The following NWD2 variants were observed in gnomAD, a reference collection of about 807,000 sequenced individuals.
NWD2 encodes NACHT and WD repeat domain containing 2, also known as NACHT and WD repeat domain-containing protein 2.
NWD2 carries 37 observed loss-of-function variants against 132.7 expected under a neutral mutation model. The observed-to-expected ratio is 0.28, with a 90% CI of 0.21 to 0.37. NWD2 has a LOEUF of 0.37. Among genes scored for constraint, NWD2 ranks in the 10% least tolerant of loss-of-function variants. The probability of loss-of-function intolerance (pLI) is 1.00; values close to 1 mark genes in which losing one functional copy is unlikely to be tolerated. For missense variants in NWD2, 1,592 were observed against 2,122.4 expected (o/e 0.75, Z 4.91); for synonymous variants, 705 against 803.0 (o/e 0.88, Z 2.06).
At position 37,443,782 on chromosome 4, in the gene NWD2, T is replaced by C; in HGVS notation, c.1794T>C (p.Ile598=). The C allele has an allele frequency of 6.4e-7, 1 of 1,551,790 alleles. No homozygotes were observed. Among genetic ancestry groups the C allele is most frequent in the Non-Finnish European group, 8.7e-7 (1 of 1,147,042 alleles). Reference sequence around the variant, plus strand: ...GGAAGGTCACATCAGGCCAGCAGATTTATGTGAACAATGCATTATCCAAGT... The same window carrying C: ...GGAAGGTCACATCAGGCCAGCAGATCTATGTGAACAATGCATTATCCAAGT... The part of the protein sequence containing the change: ...VKRKVTSGQQ[I]YVNNALSKCT... The change falls in exon 7 of 7, where the codon ATT becomes ATC. Residue 598 remains isoleucine (I), a synonymous_variant. Coordinates refer to ENST00000309447, the MANE Select transcript of NWD2 (RefSeq NM_001144990.2). The surrounding 1 kb of genome is among the most constrained non-coding windows in gnomAD (Gnocchi z 4.1).
At chr4:37,294,041 A>C (rs1221526279) in intron 1 of NWD2, among the ~76,000 whole-genome samples, 3 of 152,190 alleles carry the variant, frequency 2.0e-5, no homozygotes, top group Non-Finnish European at 2.9e-5. Flanking sequence ...GTGTTCCACA[A>C]ATCACAGGAA....
At chr4:37,413,767 T>C (rs1228044345) in intron 3 of NWD2, among the ~76,000 whole-genome samples, 1 of 152,126 alleles carries the variant, frequency 6.6e-6, no homozygotes, top group Non-Finnish European at 1.5e-5. Flanking sequence ...GTGGTACATA[T>C]ACACCATGGA....
intron 3 of NWD2, among the ~76,000 whole-genome samples, chr4:37,370,914 G>A (rs1263019800): frequency 3.3e-5 from 5 of 151,780 alleles, no homozygotes; most frequent in Non-Finnish European, 7.4e-5. Context: ...CTTTAATGTG[G>A]GAGCTTATAC....
intron 3 of NWD2, among the ~76,000 whole-genome samples, chr4:37,396,415 C>A (rs1720792304): frequency 6.6e-6 from 1 of 152,184 alleles, no homozygotes; most frequent in South Asian, 2.1e-4. Context: ...TACCCCTGAC[C>A]ATGCCCATCT....
At chr4:37,293,359 T>C (rs1242632939) in intron 1 of NWD2, among the ~76,000 whole-genome samples, 1 of 152,202 alleles carries the variant, frequency 6.6e-6, no homozygotes, top group Non-Finnish European at 1.5e-5. Context: ...ATCCTCCATA[T>C]CTCCTAGGAC....
intron 3 of NWD2, among the ~76,000 whole-genome samples, chr4:37,379,347 A>G (rs7691511): frequency 0.98 from 149,117 of 152,166 alleles, 73,130 homozygotes; most frequent in East Asian, 1. Context: ...TGATGAGGAT[A>G]GTACTGTTGT....
At chr4:37,292,091 G>A (rs572755949) in intron 1 of NWD2, among the ~76,000 whole-genome samples, 15 of 152,216 alleles carry the variant, frequency 9.9e-5, no homozygotes, top group African/African-American at 3.6e-4. Context: ...ATATTTTCAA[G>A]GGCCTTGCCT....
chr4:37,404,936 G>A (rs969416557), intron 3 of NWD2, among the ~76,000 whole-genome samples: 1 of 152,190 alleles, frequency 6.6e-6, no homozygotes, highest in South Asian at 2.1e-4. Flanking sequence ...TCATGAGAGA[G>A]CGCCTTTCTG....
rs141596927 is a variant in NWD2 at position 37,325,206 on chromosome 4, G to A, written c.152-730G>A. Among the ~76,000 whole-genome samples the A allele has an allele frequency of 3.8e-3, 584 of 152,186 alleles. 5 individuals are homozygous for A. The highest frequency in any genetic ancestry group is 0.013 in the African/African-American group (553 of 41,540). ...ATGCATACATGTTTTGTGATTCTTC[G>A]AGCTTCAGGTTCTGTGTTTCTTCTT... On this transcript the variant is annotated intron_variant, in intron 1 of 6. Coordinates refer to ENST00000309447, the MANE Select transcript of NWD2 (RefSeq NM_001144990.2).
At chr4:37,375,979 A>T (rs1208188007) in intron 3 of NWD2, among the ~76,000 whole-genome samples, 2 of 151,848 alleles carry the variant, frequency 1.3e-5, no homozygotes, top group African/African-American at 4.9e-5. Flanking sequence ...TCGTGATTTT[A>T]ATAAGTGTAT....
At chr4:37,258,947 G>A (rs984512444) in intron 1 of NWD2, among the ~76,000 whole-genome samples, 2 of 152,134 alleles carry the variant, frequency 1.3e-5, no homozygotes, top group African/African-American at 4.8e-5. Flanking sequence ...CCCATGCTGT[G>A]GAGACTGCTC....
chr4:37,251,959 A>C (rs1418881), intron 1 of NWD2, among the ~76,000 whole-genome samples: 3,214 of 152,324 alleles, frequency 0.021, 106 homozygotes, highest in African/African-American at 0.073. Flanking sequence ...GGGTATTTAC[A>C]TAAATAATAC....
At position 37,358,913 on chromosome 4, in the gene NWD2, T is replaced by C. The variant is rs1719922596; in HGVS notation, c.357+2431T>C. 2.0e-5 allele frequency among the ~76,000 whole-genome samples: 3 copies of C among 152,132 alleles called. 1 individual carries two copies. The highest frequency in any genetic ancestry group is 2.0e-4 in the Admixed American group (3 of 15,266). On this transcript the variant is annotated intron_variant, in intron 3 of 6. Transcript: ENST00000309447. ...AGGGGTGCTATAGAAGAGACTCAAA[T>C]ATTGGAAGACAGGTTAGGCCAGATT...
intron 3 of NWD2, among the ~76,000 whole-genome samples, chr4:37,420,590 G>A (rs1006938562): frequency 3.9e-5 from 6 of 152,244 alleles, no homozygotes; most frequent in African/African-American, 1.4e-4. Flanking sequence ...GGCTGAGACA[G>A]GAGAATCGCT....
intron 1 of NWD2, among the ~76,000 whole-genome samples, chr4:37,299,999 A>G (rs115524397): frequency 0.015 from 2,284 of 152,212 alleles, 39 homozygotes; most frequent in Non-Finnish European, 0.024. Context: ...CCTCAAATAC[A>G]TCGTGTCCTT....
chr4:37,388,704 G>GATAT lies in NWD2; in HGVS notation c.357+32226_357+32229dup, dbSNP rs1234757430. On this transcript the variant is annotated intron_variant, in intron 3 of 6. Transcript: ENST00000309447. Reference sequence around the variant, plus strand: ...TCGTATATATCATATATAAATATATGATATATAAATATATATATCATATAT... The same window carrying GATAT: ...TCGTATATATCATATATAAATATATGATATATATATAAATATATATATCATATAT... 8.5e-4 allele frequency among the ~76,000 whole-genome samples: 92 copies of GATAT among 108,864 alleles called. 1 individual carries two copies. The highest frequency in any genetic ancestry group is 4.1e-3 in the African/African-American group (89 of 21,742). The allele number at this position is 108,864 out of a possible 152,430, so 71.4% of individuals were successfully genotyped here.
At chr4:37,427,106 C>T (rs181362962) in intron 3 of NWD2, among the ~76,000 whole-genome samples, 1 of 151,688 alleles carries the variant, frequency 6.6e-6, no homozygotes, top group East Asian at 1.9e-4. Flanking sequence ...TTACTAAATC[C>T]CATATTTAAT....
At chr4:37,371,979 T>C (rs927244645) in intron 3 of NWD2, among the ~76,000 whole-genome samples, 1 of 152,222 alleles carries the variant, frequency 6.6e-6, no homozygotes, top group African/African-American at 2.4e-5. Context: ...AAGTCATTTC[T>C]GTTTCTTGAA....
At chr4:37,276,797 T>C in intron 1 of NWD2, among the ~76,000 whole-genome samples, 1 of 152,082 alleles carries the variant, frequency 6.6e-6, no homozygotes, top group East Asian at 1.9e-4. Context: ...TGGAATACTA[T>C]GCAGCCATAG....
Sources: allele counts gnomAD v4.1 joint callset (sites outside exome capture counted in the v4.1 genomes callset), GRCh38; gene constraint gnomAD v4.1.1; non-coding constraint Gnocchi (gnomAD v3.1); transcripts MANE v1.5; gene names NCBI Gene and HGNC (gene_info 2026-07-23, HGNC 2026-07-21).